Variants in PLEKHD1 observed in about 807,000 individuals in gnomAD.
PLEKHD1 encodes the protein pleckstrin homology and coiled-coil domain containing D1, also known as pleckstrin homology domain-containing family D member 1.
In PLEKHD1, 51 loss-of-function variants were observed where a neutral mutation model predicts 69.2. That is an observed-to-expected ratio of 0.74 (90% CI 0.59 to 0.93). PLEKHD1 has a LOEUF of 0.93. PLEKHD1 is among the 40% of genes least tolerant of loss of function. PLEKHD1 has a pLI of 0.00. For synonymous variants in PLEKHD1, 236 were observed against 244.7 expected, an observed-to-expected ratio of 0.96 and a Z score of 0.33; for missense variants, 584 against 641.0, an observed-to-expected ratio of 0.91 and a Z score of 0.96.
chr14:69,511,220 G>A lies in PLEKHD1; in HGVS notation c.555+8341G>A, dbSNP rs538906838. ...TTGTCCAGGCTAGAGTTGCAGTAGT[G>A]TGATCTTGGCTAACTGTTACCTCTG... On this transcript the variant is annotated intron_variant, in intron 6 of 12. Coordinates refer to ENST00000322564, the MANE Select transcript of PLEKHD1 (RefSeq NM_001161498.2). Among the ~76,000 whole-genome samples the A allele has an allele frequency of 2.6e-5, 4 of 152,276 alleles. No homozygotes were observed. In the South Asian group the frequency reaches 6.2e-4, roughly 24 times the overall value.
At chr14:69,471,060 G>A in the PLEKHD1 span, among the ~76,000 whole-genome samples, 6 of 148,018 alleles carry the variant, frequency 4.1e-5, no homozygotes, top group African/African-American at 1.5e-4. Flanking sequence ...CAAAGGCCTG[G>A]GATTACAGGC....
intron 1 of PLEKHD1, among the ~76,000 whole-genome samples, chr14:69,497,673 G>T (rs1377452694): frequency 6.6e-6 from 1 of 152,264 alleles, no homozygotes. Context: ...CAGAGAGGCT[G>T]AAGGGCAGAC....
Position 69,528,793 on chromosome 14 carries a change from G to T in PLEKHD1, c.*374G>T, listed in dbSNP as rs528625712. On this transcript the variant is annotated 3_prime_UTR_variant, in exon 13 of 13. Coordinates refer to ENST00000322564, the MANE Select transcript of PLEKHD1 (RefSeq NM_001161498.2). ...AGGGTCTGCCCCACTGAGGAAGATG[G>T]CAGCCCTCCCTGGTGCCCACTGGAC... The T allele has an allele frequency of 2.0e-3, 424 of 215,454 alleles. 1 individual carries two copies. Among genetic ancestry groups the T allele is most frequent in the Non-Finnish European group, 3.0e-3 (330 of 108,236 alleles). The allele number at this position is 215,454 out of a possible 1,614,324, so 13.3% of individuals were successfully genotyped here. A position where few individuals can be genotyped will look rare whatever the true frequency, so the allele number is the denominator to read the frequency against.
At chr14:69,514,342 G>A (rs1883334409) in intron 6 of PLEKHD1, among the ~76,000 whole-genome samples, 2 of 149,224 alleles carry the variant, frequency 1.3e-5, no homozygotes, top group South Asian at 2.1e-4. Context: ...TTTTTTCCTC[G>A]GCCATGTCCA....
chr14:69,510,093 G>C (rs1452907511), intron 6 of PLEKHD1, among the ~76,000 whole-genome samples: 4 of 152,102 alleles, frequency 2.6e-5, no homozygotes, highest in African/African-American at 9.7e-5. Flanking sequence ...ACAATGTCTT[G>C]ATTGCTGTAG....
chr14:69,493,810 C>A (rs1882828200), intron 1 of PLEKHD1, among the ~76,000 whole-genome samples: 1 of 152,226 alleles, frequency 6.6e-6, no homozygotes, highest in Middle Eastern at 3.2e-3. Flanking sequence ...TTGACACAAG[C>A]CCCATACCTC....
At chr14:69,483,101 C>T (rs1351383434), upstream of PLEKHD1, among the ~76,000 whole-genome samples, 1 of 152,080 alleles carries the variant, frequency 6.6e-6, no homozygotes, top group African/African-American at 2.4e-5. Context: ...GGAGCCAAGC[C>T]CCGGGCCCTG....
upstream of PLEKHD1, among the ~76,000 whole-genome samples, chr14:69,483,238 G>C (rs905105447): frequency 7.2e-5 from 11 of 152,078 alleles, no homozygotes; most frequent in African/African-American, 2.7e-4. Context: ...GAACCCCAGA[G>C]GGGGTTAAGG....
rs374624861 is a variant in PLEKHD1, at chr14:69,517,531, C to T, written c.556-4752C>T. Among the ~76,000 whole-genome samples, 70 of 152,042 alleles carry T rather than the reference C, an allele frequency of 4.6e-4. 1 individual carries two copies. The South Asian group carries it at 7.5e-3, about 16-fold the overall frequency. ...CTAGCGCAGACAGAGAGAGGGCAGG[C>T]GCAGCACTCTCTGAACTGAGGCAGT... is the stretch of plus-strand genomic sequence containing the variant. On this transcript the variant is annotated intron_variant, in intron 6 of 12. Transcript: ENST00000322564.
the PLEKHD1 span, among the ~76,000 whole-genome samples, chr14:69,467,807 G>A: frequency 1.3e-5 from 2 of 152,298 alleles, no homozygotes; most frequent in Admixed American, 6.5e-5. Flanking sequence ...GGAGTTTCAG[G>A]TGAGGGTCAG....
At chr14:69,486,782 T>C (rs1882663483) in intron 1 of PLEKHD1, among the ~76,000 whole-genome samples, 1 of 152,120 alleles carries the variant, frequency 6.6e-6, no homozygotes, top group African/African-American at 2.4e-5. Flanking sequence ...TGCAGGTACA[T>C]TGGGAAACTG....
At position 69,505,206 on chromosome 14, in the gene PLEKHD1, C is replaced by G. The variant is rs983284301; in HGVS notation, c.555+2327C>G. Reference sequence around the variant, plus strand: ...GCCCAGCTGGTACCCACCATGAAGGCTGTTCTGGGCATGGAGAGAACTGTG... The same window carrying G: ...GCCCAGCTGGTACCCACCATGAAGGGTGTTCTGGGCATGGAGAGAACTGTG... On this transcript the variant is annotated intron_variant, in intron 6 of 12. Coordinates refer to ENST00000322564, the MANE Select transcript of PLEKHD1 (RefSeq NM_001161498.2). Among the ~76,000 whole-genome samples, 13 of 152,286 alleles carry G rather than the reference C, an allele frequency of 8.5e-5. No individual in the cohort carries two copies. The East Asian group carries it at 2.5e-3, about 29-fold the overall frequency.
In PLEKHD1 at chr14:69,526,138, C is replaced by A. The variant is rs760069148; in HGVS notation, c.923+16C>A. The A allele has an allele frequency of 1.3e-6, 2 of 1,537,328 alleles. No individual in the cohort carries two copies. Among genetic ancestry groups the A allele is most frequent in the Non-Finnish European group, 1.8e-6 (2 of 1,142,130 alleles). ...CAGAGAAGCGGTGAGGGAGCCCCGA[C>A]CCCTGAAGACACCATTGACTTTGGG... On this transcript the variant is annotated intron_variant, in intron 9 of 12. Transcript: ENST00000322564.
chr14:69,526,638 C>T, intron 9 of PLEKHD1, 59 bp from the exon 10 acceptor site: 1 of 1,438,950 alleles, frequency 6.9e-7, no homozygotes, highest in South Asian at 1.5e-5. Flanking sequence ...AGCTGTCCAT[C>T]CATTGGCAAT....
chr14:69,513,652 AT>A (rs1255886658), intron 6 of PLEKHD1, among the ~76,000 whole-genome samples: 1 of 152,152 alleles, frequency 6.6e-6, no homozygotes, highest in Non-Finnish European at 1.5e-5. Flanking sequence ...CTCAGGCCAT[AT>A]TTATTTTGCT....
At chr14:69,485,192 C>A (rs1019315802) in intron 1 of PLEKHD1, 78 bp downstream of exon 1, 198 of 1,449,154 alleles carry the variant, frequency 1.4e-4, no homozygotes, top group Non-Finnish European at 1.8e-4. Context: ...CCCCTCCAGT[C>A]GCCGTCGTGC....
intron 6 of PLEKHD1, among the ~76,000 whole-genome samples, chr14:69,510,964 A>C (rs1489299402): frequency 6.6e-6 from 1 of 152,132 alleles, no homozygotes; most frequent in Non-Finnish European, 1.5e-5. Context: ...TTTCATCATC[A>C]ATTGGTGTTG....
chr14:69,473,363 C>T, the PLEKHD1 span, among the ~76,000 whole-genome samples: 2 of 151,908 alleles, frequency 1.3e-5, no homozygotes, highest in Non-Finnish European at 2.9e-5. Flanking sequence ...CTCTCCCCGC[C>T]CCAGCTGCAG....
chr14:69,528,188 C>T, intron 12 of PLEKHD1, 62 bp from the exon 13 acceptor site: 4 of 1,534,266 alleles, frequency 2.6e-6, no homozygotes, highest in Non-Finnish European at 3.5e-6. Flanking sequence ...AGGCTGGGGA[C>T]AGGGCCAGGC....
Sources: allele counts gnomAD v4.1 joint callset (sites outside exome capture counted in the v4.1 genomes callset), GRCh38; gene constraint gnomAD v4.1.1; transcripts MANE v1.5; gene names NCBI Gene and HGNC (gene_info 2026-07-23, HGNC 2026-07-21).